Variants in VANGL2 observed in about 807,000 individuals in gnomAD.
VANGL2 encodes VANGL planar cell polarity protein 2, also known as vang-like protein 2.
A neutral mutation model predicts 50.2 loss-of-function variants in VANGL2; 14 were observed. That is an observed-to-expected ratio of 0.28 (90% CI 0.18 to 0.44). The LOEUF is 0.44. Ranked by LOEUF, VANGL2 falls within the 20% of genes least tolerant of loss-of-function variation. The probability of loss-of-function intolerance (pLI) is 1.00; values close to 1 mark genes in which losing one functional copy is unlikely to be tolerated. For missense variants in VANGL2, 533 were observed against 701.5 expected (o/e 0.76, Z 2.71); for synonymous variants, 295 against 297.2 (o/e 0.99, Z 0.08).
intron 1 of VANGL2, among the ~76,000 whole-genome samples, chr1:160,410,590 C>G (rs1650845072): frequency 6.6e-6 from 1 of 152,044 alleles, no homozygotes; most frequent in Non-Finnish European, 1.5e-5. Flanking sequence ...AACGCCTTGC[C>G]CACTTGAGCC....
intron 1 of VANGL2, among the ~76,000 whole-genome samples, chr1:160,406,852 C>G (rs540471667): frequency 3.5e-4 from 53 of 152,196 alleles, no homozygotes; most frequent in African/African-American, 1.2e-3. Context: ...CCTCAGCCTC[C>G]CGAATAGCTG....
intron 1 of VANGL2, among the ~76,000 whole-genome samples, chr1:160,411,023 C>G (rs1221544318): frequency 6.6e-6 from 1 of 152,046 alleles, no homozygotes; most frequent in African/African-American, 2.4e-5. Context: ...CACATTCCCC[C>G]CTGCCAAGCT....
intron 6 of VANGL2, among the ~76,000 whole-genome samples, chr1:160,421,961 C>G (rs907356649): frequency 1.3e-5 from 2 of 152,332 alleles, no homozygotes; most frequent in Admixed American, 1.3e-4. Flanking sequence ...CCTAGCTTCT[C>G]CCTTTCCCTA....
chr1:160,424,126 A>C lies in VANGL2; in HGVS notation c.1148A>C (p.Glu383Ala), dbSNP rs1263325342. 1.2e-6 allele frequency: 2 copies of C among 1,613,994 alleles called. No individual in the cohort carries two copies. Among genetic ancestry groups the C allele is most frequent in the Admixed American group, 1.7e-5 (1 of 60,010 alleles). ...LQEEEQKNPREVMDPREAAQA... is the reference protein window; with the variant it reads ...LQEEEQKNPRAVMDPREAAQA... Reference sequence around the variant, plus strand: ...GAAGAGGAGCAGAAAAACCCCAGGGAGGTGATGGACCCCCGGGAGGCAGCC... The same window carrying C: ...GAAGAGGAGCAGAAAAACCCCAGGGCGGTGATGGACCCCCGGGAGGCAGCC... Residue 383 changes from glutamate (E) to alanine (A), a missense_variant, in exon 7 of 8, where the codon GAG (glutamate) becomes GCG (alanine). Glu to Ala is a moderately radical substitution (Grantham distance 107). Coordinates refer to ENST00000368061, the MANE Select transcript of VANGL2 (RefSeq NM_020335.3).
intron 1 of VANGL2, among the ~76,000 whole-genome samples, chr1:160,403,392 T>C (rs1206420483): frequency 6.6e-6 from 1 of 152,134 alleles, no homozygotes; most frequent in Non-Finnish European, 1.5e-5. Context: ...AGATTGGGAG[T>C]CAGTGGCCAC....
At position 160,426,465 on chromosome 1, in the gene VANGL2, G is replaced by A. The variant is rs1216408997; in HGVS notation, c.*1087G>A. 2 of 153,072 alleles carry A rather than the reference G, an allele frequency of 1.3e-5. No homozygotes were observed. Among genetic ancestry groups the A allele is most frequent in the Non-Finnish European group, 2.9e-5 (2 of 68,434 alleles). The allele number at this position is 153,072 out of a possible 1,614,324, so 9.5% of individuals were successfully genotyped here. A position where few individuals can be genotyped will look rare whatever the true frequency, so the allele number is the denominator to read the frequency against. ...TTAAGTCCAGTTCTTTGCCTCAGGG[G>A]TCTCGTTTCCTTGGCCTTCCAGGGT... On this transcript the variant is annotated 3_prime_UTR_variant, in exon 8 of 8. Coordinates refer to ENST00000368061, the MANE Select transcript of VANGL2 (RefSeq NM_020335.3).
intron 5 of VANGL2, 59 bp from the exon 6 acceptor site, chr1:160,420,993 G>C: frequency 6.2e-7 from 1 of 1,610,280 alleles, no homozygotes; most frequent in Non-Finnish European, 8.5e-7. Context: ...AGAGCTCCTG[G>C]AGTGGGAAGA....
intron 7 of VANGL2, 91 bp from the exon 8 acceptor site, chr1:160,425,027 T>C (rs1651402163): frequency 1.9e-6 from 3 of 1,592,314 alleles, no homozygotes; most frequent in Admixed American, 3.3e-5. Context: ...CTCAGGGACG[T>C]CCTTCTTGTC....
At chr1:160,416,271 G>A (rs907217933) in intron 3 of VANGL2, 89 bp downstream of exon 3, 13 of 1,604,630 alleles carry the variant, frequency 8.1e-6, no homozygotes, top group South Asian at 1.1e-5. Flanking sequence ...GGAGGGCTTG[G>A]AAACCTGGTC....
chr1:160,415,720 C>A lies in VANGL2; in HGVS notation c.-118C>A. On this transcript the variant is annotated 5_prime_UTR_variant, in exon 2 of 8. Transcript: ENST00000368061. The stretch of plus-strand genomic sequence containing the variant: ...TAGAGTCCCTCAGGGTGACAGTTGA[C>A]TTCCTGAAGGTGCCTCTTGGCCTAA... 1 of 1,210,808 alleles carries A rather than the reference C, an allele frequency of 8.3e-7. No homozygotes were observed. The highest frequency in any genetic ancestry group is 1.2e-6 in the Non-Finnish European group (1 of 842,360). The allele number at this position is 1,210,808 out of a possible 1,614,324, so 75.0% of individuals were successfully genotyped here.
intron 1 of VANGL2, among the ~76,000 whole-genome samples, chr1:160,406,862 G>T (rs973844152): frequency 6.6e-6 from 1 of 152,066 alleles, no homozygotes; most frequent in African/African-American, 2.4e-5. Flanking sequence ...CCGAATAGCT[G>T]GGATTACAGG....
chr1:160,418,002 C>T (rs1322430171), intron 3 of VANGL2, among the ~76,000 whole-genome samples: 1 of 151,364 alleles, frequency 6.6e-6, no homozygotes, highest in East Asian at 1.9e-4. Flanking sequence ...ACCTCCTCCT[C>T]CTGGGTTCAA....
intron 1 of VANGL2, among the ~76,000 whole-genome samples, chr1:160,414,096 G>T (rs1650976575): frequency 6.6e-6 from 1 of 152,152 alleles, no homozygotes; most frequent in East Asian, 1.9e-4. Context: ...TCACTCTTCT[G>T]TGGCTCTACC....
rs1651501830 is a variant in VANGL2, at chr1:160,427,539, A to G, written c.*2161A>G. The G allele has an allele frequency of 3.4e-5, 5 of 148,746 alleles. No homozygotes were observed. Among genetic ancestry groups the G allele is most frequent in the Admixed American group, 2.7e-4 (4 of 14,962 alleles). The allele number at this position is 148,746 out of a possible 1,614,324, so 9.2% of individuals were successfully genotyped here. A position where few individuals can be genotyped will look rare whatever the true frequency, so the allele number is the denominator to read the frequency against. The stretch of plus-strand genomic sequence containing the variant: ...TGGTCTTTTGCTTCAGAACTGTGGT[A>G]TCTTTGTCTTTTTTCATTATTATTA... On this transcript the variant is annotated 3_prime_UTR_variant, in exon 8 of 8. Transcript: ENST00000368061.
At chr1:160,412,014 A>G (rs1650898153) in intron 1 of VANGL2, among the ~76,000 whole-genome samples, 1 of 152,206 alleles carries the variant, frequency 6.6e-6, no homozygotes, top group Admixed American at 6.5e-5. Context: ...TAATTGCTTA[A>G]CTAATTACTA....
Position 160,425,390 on chromosome 1 carries a change from C to T in VANGL2, c.*12C>T. On this transcript the variant is annotated 3_prime_UTR_variant, in exon 8 of 8. Transcript: ENST00000368061. ...AGACCTCAGTGTGACTGTGCAACAG[C>T]AGGGGGAGTGGGAAACTCTGGGGGG... is the stretch of plus-strand genomic sequence containing the variant. 1 of 1,451,406 alleles carries T rather than the reference C, an allele frequency of 6.9e-7. No individual in the cohort carries two copies. The highest frequency in any genetic ancestry group is 1.4e-5 in the South Asian group (1 of 70,614). 89.9% of individuals were successfully genotyped at this position (1,451,406 alleles called of 1,614,324 possible). A position where few individuals can be genotyped will look rare whatever the true frequency, so the allele number is the denominator to read the frequency against.
chr1:160,420,746 A>G (rs1365220441), intron 5 of VANGL2, among the ~76,000 whole-genome samples, 199 bp downstream of exon 5: 1 of 152,036 alleles, frequency 6.6e-6, no homozygotes, highest in African/African-American at 2.4e-5. Context: ...ATGCTATGGC[A>G]TGTCCCCTGA....
Position 160,400,564 on chromosome 1 carries a change from C to G in VANGL2, c.-496C>G, listed in dbSNP as rs1232666998. 1 of 151,292 alleles carries G rather than the reference C, an allele frequency of 6.6e-6. No individual in the cohort carries two copies. The highest frequency in any genetic ancestry group is 2.1e-4 in the South Asian group (1 of 4,772). The allele number at this position is 151,292 out of a possible 1,614,324, so 9.4% of individuals were successfully genotyped here. On this transcript the variant is annotated 5_prime_UTR_variant, in exon 1 of 8. Coordinates refer to ENST00000368061, the MANE Select transcript of VANGL2 (RefSeq NM_020335.3). ...CCCCTCCCCCTCCGCCCCCTCCCCC[C>G]TGCGCCGCCGGCTCCCGATCTGATT...
rs750844769 is a variant in VANGL2 at position 160,425,399 on chromosome 1, T to A, written c.*21T>A. 42 of 642,852 alleles carry A rather than the reference T, an allele frequency of 6.5e-5. No homozygotes were observed. The highest frequency in any genetic ancestry group is 8.0e-5 in the Non-Finnish European group (41 of 513,116). The allele number at this position is 642,852 out of a possible 1,614,324, so 39.8% of individuals were successfully genotyped here. ...TGTGACTGTGCAACAGCAGGGGGAG[T>A]GGGAAACTCTGGGGGGTCCTGAGGG... On this transcript the variant is annotated 3_prime_UTR_variant, in exon 8 of 8. Transcript: ENST00000368061.
Sources: allele counts gnomAD v4.1 joint callset (sites outside exome capture counted in the v4.1 genomes callset), GRCh38; gene constraint gnomAD v4.1.1; transcripts MANE v1.5; gene names NCBI Gene and HGNC (gene_info 2026-07-23, HGNC 2026-07-21).